Variants in RSU1 observed in about 807,000 individuals in gnomAD.
The protein encoded by RSU1 is Ras suppressor protein 1.
Under a neutral mutation model 31.1 loss-of-function variants are expected in RSU1, and 26 were observed. That is an observed-to-expected ratio of 0.84 (90% CI 0.61 to 1.16). The LOEUF (loss-of-function observed/expected upper bound fraction) is 1.16, where lower values mean the gene tolerates loss of function less well. Among genes scored for constraint, RSU1 ranks in the 50% most tolerant of loss-of-function variants. The pLI, the probability that RSU1 is intolerant of heterozygous loss-of-function variation, is 0.00. For missense variants in RSU1, 320 were observed against 339.1 expected, an observed-to-expected ratio of 0.94 and a Z score of 0.44; for synonymous variants, 164 against 136.3, an observed-to-expected ratio of 1.20 and a Z score of -1.41.
intron 8 of RSU1, among the ~76,000 whole-genome samples, chr10:16,641,674 T>C (rs1397951555): frequency 1.3e-5 from 2 of 152,142 alleles, no homozygotes; most frequent in African/African-American, 4.8e-5. Context: ...CAACAGCCCC[T>C]GCCTTCCCAG....
intron 2 of RSU1, among the ~76,000 whole-genome samples, chr10:16,788,295 G>A (rs1837836849): frequency 6.6e-6 from 1 of 152,126 alleles, no homozygotes; most frequent in Non-Finnish European, 1.5e-5. Flanking sequence ...CTCCCACCTT[G>A]CTAGGGACTA....
chr10:16,799,795 C>T (rs1487867648), intron 2 of RSU1, among the ~76,000 whole-genome samples: 1 of 152,128 alleles, frequency 6.6e-6, no homozygotes, highest in Non-Finnish European at 1.5e-5. Context: ...AAATACCCAA[C>T]TCCAGCCCGC....
At position 16,591,212 on chromosome 10, in the gene RSU1, G is replaced by C. The variant is rs1022976289; in HGVS notation, c.*2182C>G. 1 of 152,168 alleles carries C rather than the reference G, an allele frequency of 6.6e-6. No homozygotes were observed. Among genetic ancestry groups the C allele is most frequent in the Non-Finnish European group, 1.5e-5 (1 of 68,050 alleles). 9.4% of individuals were successfully genotyped at this position (152,168 alleles called of 1,614,324 possible). A position where few individuals can be genotyped will look rare whatever the true frequency, so the allele number is the denominator to read the frequency against. On this transcript the variant is annotated 3_prime_UTR_variant, in exon 9 of 9. Transcript: ENST00000345264. ...CAGGCATGAGCCACTGTGCCTGGCC[G>C]TTGTTCAACAATTTTTAATGTCATA...
At chr10:16,692,317 T>C (rs1835574961) in intron 8 of RSU1, among the ~76,000 whole-genome samples, 1 of 152,208 alleles carries the variant, frequency 6.6e-6, no homozygotes, top group Non-Finnish European at 1.5e-5. Flanking sequence ...AATAATTACT[T>C]TGAGGTAATA....
At chr10:16,673,350 CA>C (rs1271375503) in intron 8 of RSU1, among the ~76,000 whole-genome samples, 4 of 152,190 alleles carry the variant, frequency 2.6e-5, no homozygotes, top group Non-Finnish European at 5.9e-5. Context: ...AGAGCAGCTA[CA>C]AATTTTTCTT....
chr10:16,730,810 C>CTGTAACTGTA (rs1178124430), intron 7 of RSU1, among the ~76,000 whole-genome samples: 1 of 152,118 alleles, frequency 6.6e-6, no homozygotes, highest in Non-Finnish European at 1.5e-5. Context: ...ACTGGAATCA[C>CTGTAACTGTA]ACTGTAAAGC....
In RSU1 at chr10:16,764,440, C is replaced by T; in HGVS notation, c.231G>A (p.Glu77=). Residue 77 remains glutamate (E), a synonymous_variant, in exon 4 of 9, where the codon GAG becomes GAA. Coordinates refer to ENST00000345264, the MANE Select transcript of RSU1 (RefSeq NM_012425.4). ...GAAGGCTACTGATCTGTGTGGGCAG[C>T]TCCTCGATTTGGTTATTAAAAAAGT... ...VLNFFNNQIE[E]LPTQISSLQK... is the part of the protein sequence containing the mutation. The T allele has an allele frequency of 6.2e-7, 1 of 1,614,092 alleles. No homozygotes were observed. The highest frequency in any genetic ancestry group is 1.3e-5 in the African/African-American group (1 of 75,032).
intron 7 of RSU1, among the ~76,000 whole-genome samples, chr10:16,720,033 T>A (rs1836222754): frequency 6.6e-6 from 1 of 152,142 alleles, no homozygotes; most frequent in Non-Finnish European, 1.5e-5. Context: ...GGTCACAGGG[T>A]CAATACACAG....
chr10:16,722,676 T>TA (rs1368639948), intron 7 of RSU1, among the ~76,000 whole-genome samples: 1 of 152,026 alleles, frequency 6.6e-6, no homozygotes, highest in Non-Finnish European at 1.5e-5. Flanking sequence ...AAGGGCCAAA[T>TA]AGACAATATT....
In RSU1 at chr10:16,699,564, C is replaced by A. The variant is rs991230377; in HGVS notation, c.599-4409G>T. Among the ~76,000 whole-genome samples the A allele has an allele frequency of 2.0e-5, 3 of 152,358 alleles. No individual in the cohort carries two copies. The South Asian group carries it at 6.2e-4, about 32-fold the overall frequency. ...AGCCTGCAATCGCTCTGACGCCACACGCTTCAGTGCGTTGAGTTAGGAGCC... is the reference window on the plus strand; with the variant it reads ...AGCCTGCAATCGCTCTGACGCCACAAGCTTCAGTGCGTTGAGTTAGGAGCC... On this transcript the variant is annotated intron_variant, in intron 7 of 8. Transcript: ENST00000345264.
intron 7 of RSU1, among the ~76,000 whole-genome samples, chr10:16,735,102 A>G (rs540663860): frequency 2.6e-5 from 4 of 152,390 alleles, no homozygotes; most frequent in Non-Finnish European, 4.4e-5. Context: ...CTGTTGCTTA[A>G]GTCACCCAGT....
In RSU1 at chr10:16,785,417, T is replaced by TACATATATACACATATATATAC. The variant is rs1837756774; in HGVS notation, c.110-3334_110-3333insGTATATATATGTGTATATATGT. Among the ~76,000 whole-genome samples, 5 of 91,124 alleles carry TACATATATACACATATATATAC rather than the reference T, an allele frequency of 5.5e-5. No individual in the cohort carries two copies. In the South Asian group the frequency reaches 1.5e-3, roughly 26 times the overall value. The allele number at this position is 91,124 out of a possible 152,430, so 59.8% of individuals were successfully genotyped here. A position where few individuals can be genotyped will look rare whatever the true frequency, so the allele number is the denominator to read the frequency against. On this transcript the variant is annotated intron_variant, in intron 2 of 8. Transcript: ENST00000345264. ...CTCTCTCTATCTTTCTATATATATA[T>TACATATATACACATATATATAC]ACATATATACATATATATATATACA...
At chr10:16,624,759 C>A (rs114322709) in intron 8 of RSU1, among the ~76,000 whole-genome samples, 1,627 of 152,252 alleles carry the variant, frequency 0.011, 26 homozygotes, top group African/African-American at 0.037. Context: ...CAGAATCTTA[C>A]AAATCTCTGT....
chr10:16,607,735 T>C (rs1305329967), intron 8 of RSU1, among the ~76,000 whole-genome samples: 1 of 152,222 alleles, frequency 6.6e-6, no homozygotes, highest in Non-Finnish European at 1.5e-5. Flanking sequence ...CCAGGAACCC[T>C]GTAGAGCAAA....
At chr10:16,767,479 T>C (rs746337194) in intron 3 of RSU1, 5 of 152,192 alleles carry the variant, frequency 3.3e-5, no homozygotes, top group Non-Finnish European at 5.9e-5. Context: ...TAACCCCATA[T>C]TCAATTTACA....
At chr10:16,753,453 CTG>C (rs1307779893) in intron 5 of RSU1, among the ~76,000 whole-genome samples, 2 of 152,176 alleles carry the variant, frequency 1.3e-5, no homozygotes, top group Non-Finnish European at 2.9e-5. Context: ...GTAAATAGCA[CTG>C]TGTTACAAAT....
At chr10:16,656,179 C>T (rs886644394) in intron 8 of RSU1, among the ~76,000 whole-genome samples, 4 of 152,016 alleles carry the variant, frequency 2.6e-5, no homozygotes, top group Admixed American at 6.6e-5. Context: ...ACATACAATC[C>T]TACCACTTAA....
chr10:16,674,632 G>T lies in RSU1; in HGVS notation c.731+20391C>A, dbSNP rs78087910. Among the ~76,000 whole-genome samples, 487 of 152,148 alleles carry T rather than the reference G, an allele frequency of 3.2e-3. 18 individuals carry two copies. The East Asian group carries it at 0.081, about 25-fold the overall frequency. ...AAAATTGGAGGCAGGAGTGGGTGGT[G>T]GGCGATGGGGTCCACTTTAGATACA... On this transcript the variant is annotated intron_variant, in intron 8 of 8. Coordinates refer to ENST00000345264, the MANE Select transcript of RSU1 (RefSeq NM_012425.4).
chr10:16,723,874 A>T (rs557588240), intron 7 of RSU1, among the ~76,000 whole-genome samples: 1 of 152,202 alleles, frequency 6.6e-6, no homozygotes, highest in Admixed American at 6.5e-5. Context: ...CCATGTTAGT[A>T]ATCCTCACAT....
Sources: gnomAD v4.1 joint callset for allele counts (sites outside exome capture counted in the v4.1 genomes callset) on GRCh38, gnomAD v4.1.1 for gene constraint, MANE v1.5 for transcripts, NCBI Gene and HGNC (gene_info 2026-07-23, HGNC 2026-07-21) for gene names.